Variants in CFAP47 observed in about 807,000 individuals in gnomAD.
CFAP47 encodes the protein cilia and flagella associated protein 47.
CFAP47 carries 29 observed loss-of-function variants against 148.1 expected under a neutral mutation model. The ratio of observed to expected loss-of-function variants is 0.20; its 90% CI spans 0.15 to 0.27. The LOEUF (loss-of-function observed/expected upper bound fraction) is 0.27, where lower values mean the gene tolerates loss of function less well. Ranked by LOEUF, CFAP47 falls within the 10% of genes least tolerant of loss-of-function variation. The pLI, the probability that CFAP47 is intolerant of heterozygous loss-of-function variation, is 1.00. For synonymous variants in CFAP47, 664 were observed against 577.3 expected (o/e 1.15, Z -2.15); for missense variants, 1,872 against 1,697.5 (o/e 1.10, Z -1.81).
chrX:35,927,456 G>A (rs1166048228), intron 2 of CFAP47, among the ~76,000 whole-genome samples: 1 of 111,383 alleles, frequency 9.0e-6, no homozygotes, highest in Non-Finnish European at 1.9e-5. Flanking sequence ...GGTTGAAGAT[G>A]CTTCTGTCCT....
At chrX:35,930,687 G>A (rs1454513641) in intron 2 of CFAP47, among the ~76,000 whole-genome samples, 2 of 111,005 alleles carry the variant, frequency 1.8e-5, no homozygotes, top group African/African-American at 3.3e-5. Flanking sequence ...CATTTCCATG[G>A]AATTCTTCCA....
chrX:36,166,721 T>C (rs781191048), intron 39 of CFAP47, among the ~76,000 whole-genome samples: 35 of 111,678 alleles, frequency 3.1e-4, no homozygotes, highest in African/African-American at 1.0e-3. Context: ...ATTCTAGATA[T>C]GTGTTCTATC....
rs1160393578 is a variant in CFAP47, at chrX:35,959,897, A to C, written c.1410+3701A>C. 1.4e-4 allele frequency among the ~76,000 whole-genome samples: 15 copies of C among 109,139 alleles called. 1 individual carries two copies. The highest frequency in any genetic ancestry group is 7.8e-4 in the South Asian group (2 of 2,571). 94.8% of individuals were successfully genotyped at this position (109,139 alleles called of 115,157 possible). A position where few individuals can be genotyped will look rare whatever the true frequency, so the allele number is the denominator to read the frequency against. ...CCGTCTCAAAAAAAAAAAAAAAAAA[A>C]AAAACTATTTGTTATTTTTTGTAAA... On this transcript the variant is annotated intron_variant, in intron 8 of 63. Coordinates refer to ENST00000378653, the MANE Select transcript of CFAP47 (RefSeq NM_001304548.2).
intron 1 of CFAP47, among the ~76,000 whole-genome samples, chrX:35,924,997 T>C (rs112083629): frequency 0.039 from 4,294 of 111,142 alleles, 200 homozygotes; most frequent in African/African-American, 0.13. Flanking sequence ...AAAATGTTGG[T>C]CAAAGGGTAC....
chrX:36,232,842 A>G (rs1940388037), intron 46 of CFAP47, among the ~76,000 whole-genome samples: 1 of 112,004 alleles, frequency 8.9e-6, no homozygotes, highest in Non-Finnish European at 1.9e-5. Context: ...TTCAAAGAAC[A>G]TCTTTATTTC....
intron 33 of CFAP47, among the ~76,000 whole-genome samples, chrX:36,132,998 A>G (rs187020975): frequency 1.8e-5 from 2 of 111,905 alleles, no homozygotes; most frequent in East Asian, 2.8e-4. Context: ...TTGCAGGGCA[A>G]CAAAGAGAGA....
intron 8 of CFAP47, among the ~76,000 whole-genome samples, chrX:35,962,143 A>G (rs764066838): frequency 1.6e-4 from 18 of 111,376 alleles, no homozygotes; most frequent in Non-Finnish European, 2.8e-4. Flanking sequence ...TTCTTCTCTT[A>G]TTGATTTTAA....
At chrX:35,986,652 G>A (rs1936719261) in intron 15 of CFAP47, among the ~76,000 whole-genome samples, 1 of 110,316 alleles carries the variant, frequency 9.1e-6, no homozygotes, top group Non-Finnish European at 1.9e-5. Context: ...TTCCCTTGCT[G>A]GCGAGGAGTT....
At chrX:36,028,326 T>G (rs1348128103) in intron 22 of CFAP47, among the ~76,000 whole-genome samples, 1 of 111,277 alleles carries the variant, frequency 9.0e-6, no homozygotes, top group African/African-American at 3.3e-5. Context: ...AATTAATTTT[T>G]GTATATGGTG....
intron 2 of CFAP47, among the ~76,000 whole-genome samples, chrX:35,928,513 T>A (rs1326856915): frequency 8.9e-6 from 1 of 111,899 alleles, no homozygotes; most frequent in Non-Finnish European, 1.9e-5. Context: ...TTGCTCTTTA[T>A]TATTGAGTTT....
intron 45 of CFAP47, among the ~76,000 whole-genome samples, chrX:36,228,122 G>A (rs1386454812): frequency 1.8e-5 from 2 of 111,739 alleles, no homozygotes; most frequent in African/African-American, 6.5e-5. Flanking sequence ...CTGTGAGACA[G>A]AGCACCTCTA....
At position 36,262,152 on chromosome X, in the gene CFAP47, G is replaced by A. The variant is rs146978240; in HGVS notation, c.7444+10708G>A. 7.8e-3 allele frequency among the ~76,000 whole-genome samples: 875 copies of A among 112,284 alleles called. 5 individuals carry two copies. The highest frequency in any genetic ancestry group is 0.021 in the African/African-American group (662 of 30,869). On this transcript the variant is annotated intron_variant, in intron 49 of 63. Transcript: ENST00000378653. The stretch of plus-strand genomic sequence containing the variant: ...ACATGAGATGTTTTGATAAAGGCAT[G>A]CAATATGAAATAAATCATGGAGAAT...
At chrX:36,219,020 C>T (rs1449352297) in intron 45 of CFAP47, among the ~76,000 whole-genome samples, 5 of 111,254 alleles carry the variant, frequency 4.5e-5, no homozygotes, top group African/African-American at 1.6e-4. Context: ...GGATAGCAAG[C>T]ATCAGAGACA....
intron 46 of CFAP47, among the ~76,000 whole-genome samples, chrX:36,233,217 T>C (rs1940395472): frequency 9.0e-6 from 1 of 111,313 alleles, no homozygotes; most frequent in African/African-American, 3.3e-5. Context: ...GAGTGGGGTG[T>C]TAAAGTCTCC....
rs782105200 is a variant in CFAP47, at chrX:36,350,353, A to G, written c.8698+221A>G. On this transcript the variant is annotated intron_variant, in intron 59 of 63. Transcript: ENST00000378653. ...GCCTTCCTGTTGGTGAAATGCAGAT[A>G]TCGGCTAAAATTAAAATCAAATTAA... is the stretch of plus-strand genomic sequence containing the variant. 4.5e-5 allele frequency among the ~76,000 whole-genome samples: 5 copies of G among 111,650 alleles called. No homozygotes were observed. In the South Asian group the frequency reaches 1.5e-3, roughly 33 times the overall value.
chrX:36,111,498 G>T (rs1168373242), intron 33 of CFAP47, among the ~76,000 whole-genome samples: 1 of 112,022 alleles, frequency 8.9e-6, no homozygotes, highest in African/African-American at 3.2e-5. Context: ...GCTGAATTCA[G>T]TTTGCCAGTA....
intron 2 of CFAP47, among the ~76,000 whole-genome samples, chrX:35,928,005 A>G (rs1228347071): frequency 9.4e-6 from 1 of 106,513 alleles, no homozygotes; most frequent in Non-Finnish European, 1.9e-5. Context: ...TTTTATATAT[A>G]TATATATATG....
intron 26 of CFAP47, among the ~76,000 whole-genome samples, chrX:36,052,898 T>G (rs1027459455): frequency 8.9e-6 from 1 of 111,969 alleles, no homozygotes; most frequent in South Asian, 3.7e-4. Flanking sequence ...CTTTAAAATG[T>G]ATATTTAGCA....
intron 39 of CFAP47, among the ~76,000 whole-genome samples, chrX:36,173,513 C>T (rs145638506): frequency 0.012 from 1,346 of 110,827 alleles, 28 homozygotes; most frequent in African/African-American, 0.041. Context: ...TTGTTCTCGT[C>T]GGTTTCAAAG....
Sources: gnomAD v4.1 joint callset for allele counts (sites outside exome capture counted in the v4.1 genomes callset) on GRCh38, gnomAD v4.1.1 for gene constraint, MANE v1.5 for transcripts, NCBI Gene and HGNC (gene_info 2026-07-23, HGNC 2026-07-21) for gene names.